Variants in DYNC1LI1 observed in about 807,000 individuals in gnomAD.
DYNC1LI1 encodes the protein dynein cytoplasmic 1 light intermediate chain 1, also known as cytoplasmic dynein 1 light intermediate chain 1.
In DYNC1LI1, 19 loss-of-function variants were observed where a neutral mutation model predicts 63.8. The ratio of observed to expected loss-of-function variants is 0.30; its 90% CI spans 0.21 to 0.44. The LOEUF (loss-of-function observed/expected upper bound fraction) is 0.44. DYNC1LI1 is among the 20% of genes least tolerant of loss of function. The pLI, the probability that DYNC1LI1 is intolerant of heterozygous loss-of-function variation, is 1.00. For synonymous variants in DYNC1LI1, 225 were observed against 232.3 expected (o/e 0.97, Z 0.28); for missense variants, 565 against 630.2 (o/e 0.90, Z 1.11).
intron 2 of DYNC1LI1, among the ~76,000 whole-genome samples, chr3:32,556,315 C>T (rs1202505603): frequency 1.3e-5 from 2 of 152,192 alleles, no homozygotes; most frequent in East Asian, 3.8e-4. Flanking sequence ...GCACACTGTA[C>T]TGCAGAGGGT....
At chr3:32,527,440 G>A (rs545147947) in intron 12 of DYNC1LI1, among the ~76,000 whole-genome samples, 28 of 151,218 alleles carry the variant, frequency 1.9e-4, no homozygotes, top group African/African-American at 6.5e-4. Flanking sequence ...CAATAAGAAC[G>A]GTAAAACAGA....
At chr3:32,568,780 C>A (rs939335981) in intron 2 of DYNC1LI1, among the ~76,000 whole-genome samples, 2 of 152,142 alleles carry the variant, frequency 1.3e-5, no homozygotes, top group African/African-American at 4.8e-5. Flanking sequence ...CTTACCTTTA[C>A]CATGACAGTG....
At chr3:32,559,697 A>G (rs1050892788) in intron 2 of DYNC1LI1, among the ~76,000 whole-genome samples, 1 of 152,242 alleles carries the variant, frequency 6.6e-6, no homozygotes, top group African/African-American at 2.4e-5. Context: ...ACTGTTTGAC[A>G]TGGTCCCCAG....
intron 2 of DYNC1LI1, among the ~76,000 whole-genome samples, chr3:32,547,279 T>C (rs1260108948): frequency 6.6e-6 from 1 of 152,092 alleles, no homozygotes; most frequent in Non-Finnish European, 1.5e-5. Flanking sequence ...AGCTGTTCAA[T>C]GTTTTGGTGA....
intron 5 of DYNC1LI1, among the ~76,000 whole-genome samples, chr3:32,540,681 C>CA (rs556985128): frequency 0.011 from 574 of 52,284 alleles, 1 homozygote; most frequent in African/African-American, 0.021. Flanking sequence ...AACTCCGTCT[C>CA]AAAAAAAAAA....
chr3:32,539,374 C>A (rs1219656594), intron 5 of DYNC1LI1, among the ~76,000 whole-genome samples: 1 of 151,616 alleles, frequency 6.6e-6, no homozygotes, highest in Non-Finnish European at 1.5e-5. Context: ...AATTCTATAC[C>A]CTCCTTTAAT....
chr3:32,553,467 A>G (rs1033310904), intron 2 of DYNC1LI1, among the ~76,000 whole-genome samples: 1 of 152,236 alleles, frequency 6.6e-6, no homozygotes, highest in African/African-American at 2.4e-5. Flanking sequence ...CTACTTTGAG[A>G]GTATTTTAAA....
intron 2 of DYNC1LI1, among the ~76,000 whole-genome samples, chr3:32,546,479 T>C (rs1232327377): frequency 1.3e-5 from 2 of 152,190 alleles, no homozygotes; most frequent in Non-Finnish European, 1.5e-5. Flanking sequence ...TGTTAAATCT[T>C]GTCCTATCCT....
rs530681558 is a variant in DYNC1LI1, at chr3:32,552,922, CTT to C, written c.221-6959_221-6958del. ...GGTTTCACCATGTTGGCCAGGATCT[CTT>C]GACCTCGTGATCTGCCTGCCTCGGC... is the stretch of plus-strand genomic sequence containing the variant. On this transcript the variant is annotated intron_variant, in intron 2 of 12. Transcript: ENST00000273130. 2.6e-4 allele frequency among the ~76,000 whole-genome samples: 40 copies of C among 152,232 alleles called. No individual in the cohort carries two copies. In the East Asian group the frequency reaches 7.3e-3, roughly 28 times the overall value.
chr3:32,545,066 T>A lies in DYNC1LI1; in HGVS notation c.378A>T (p.Leu126=). The change falls in exon 4 of 13, where the codon CTA becomes CTT. Residue 126 remains leucine (L), a synonymous_variant. Coordinates refer to ENST00000273130, the MANE Select transcript of DYNC1LI1 (RefSeq NM_016141.4). ...RCNVWILDGD[L]YHKGLLKFSL... is the part of the protein sequence containing the mutation. ...AAAATTTAAGGAGGCCTTTGTGATA[T>A]AGGTCTCCATCTAAGATCCAAACAT... 4 of 1,613,666 alleles carry A rather than the reference T, an allele frequency of 2.5e-6. No homozygotes were observed. Among genetic ancestry groups the A allele is most frequent in the Non-Finnish European group, 3.4e-6 (4 of 1,179,554 alleles).
chr3:32,556,143 C>A (rs1472635393), intron 2 of DYNC1LI1, among the ~76,000 whole-genome samples: 1 of 152,202 alleles, frequency 6.6e-6, no homozygotes. Context: ...TCTCCCAACT[C>A]TACACCTTCA....
intron 7 of DYNC1LI1, among the ~76,000 whole-genome samples, chr3:32,533,832 G>A (rs982211835): frequency 2.0e-5 from 3 of 151,000 alleles, no homozygotes; most frequent in African/African-American, 4.9e-5. Context: ...AAAGTGCTGG[G>A]ATTTTAGGCA....
At chr3:32,532,506 T>TATATATATATATATAA (rs1375889866) in intron 8 of DYNC1LI1, 1 of 145,804 alleles carries the variant, frequency 6.9e-6, no homozygotes, top group Non-Finnish European at 1.5e-5. Flanking sequence ...TATATATATA[T>TATATATATATATATAA]AAAATTGAAA....
intron 2 of DYNC1LI1, 74 bp downstream of exon 2, chr3:32,570,272 C>A (rs1169389254): frequency 4.0e-6 from 5 of 1,243,422 alleles, no homozygotes; most frequent in African/African-American, 3.0e-5. Flanking sequence ...AGAGAGCCAG[C>A]GAGCTAGCCC....
At chr3:32,561,642 G>T (rs904177946) in intron 2 of DYNC1LI1, among the ~76,000 whole-genome samples, 35 of 149,790 alleles carry the variant, frequency 2.3e-4, no homozygotes, top group African/African-American at 8.3e-4. Flanking sequence ...AAAAAAAAAA[G>T]TAAAATAGTA....
chr3:32,537,963 TATATATATATTTATATATAATA>T (rs1559436258), intron 5 of DYNC1LI1, among the ~76,000 whole-genome samples: 30 of 2,742 alleles, frequency 0.011, 1 homozygote, highest in African/African-American at 0.015. Context: ...ATATATATAA[TATATATATATTTATATATAATA>T]TATATATATA....
chr3:32,563,383 T>C (rs919995130), intron 2 of DYNC1LI1, among the ~76,000 whole-genome samples: 4 of 150,520 alleles, frequency 2.7e-5, no homozygotes, highest in African/African-American at 9.8e-5. Flanking sequence ...CTCCATCTCC[T>C]GAGTTCAAGC....
At chr3:32,564,271 G>T (rs969089259) in intron 2 of DYNC1LI1, among the ~76,000 whole-genome samples, 1 of 152,214 alleles carries the variant, frequency 6.6e-6, no homozygotes, top group African/African-American at 2.4e-5. Context: ...TTATGATCGT[G>T]CCAGTGTACT....
intron 3 of DYNC1LI1, 53 bp downstream of exon 3, chr3:32,545,796 G>A (rs1697944552): frequency 4.2e-6 from 5 of 1,184,166 alleles, no homozygotes; most frequent in Non-Finnish European, 6.3e-6. Context: ...TAATGTGAAT[G>A]GCAGTGCACC....
Sources: allele counts gnomAD v4.1 joint callset (sites outside exome capture counted in the v4.1 genomes callset), GRCh38; gene constraint gnomAD v4.1.1; transcripts MANE v1.5; gene names NCBI Gene and HGNC (gene_info 2026-07-23, HGNC 2026-07-21).